Variants in DGKB observed in about 807,000 individuals in gnomAD.
The protein encoded by DGKB is diacylglycerol kinase beta, also known as 90 kDa diacylglycerol kinase.
Under a neutral mutation model 114.3 loss-of-function variants are expected in DGKB, and 67 were observed. The ratio of observed to expected loss-of-function variants is 0.59; its 90% confidence interval spans 0.48 to 0.72. The LOEUF is 0.72. DGKB is among the 30% of genes least tolerant of loss of function. The pLI, the probability that DGKB is intolerant of heterozygous loss-of-function variation, is 0.00. For synonymous variants in DGKB, 398 were observed against 323.1 expected (o/e 1.23, Z -2.49); for missense variants, 907 against 975.2 (o/e 0.93, Z 0.93).
chr7:14,835,135 T>C (rs571435698), intron 2 of DGKB, among the ~76,000 whole-genome samples: 1 of 152,122 alleles, frequency 6.6e-6, no homozygotes, highest in East Asian at 1.9e-4. Flanking sequence ...GAAGAAAGAG[T>C]CAGAAATGAG....
chr7:14,953,272 C>G (rs1348567868), intron 1 of DGKB, among the ~76,000 whole-genome samples: 1 of 151,990 alleles, frequency 6.6e-6, no homozygotes, highest in Non-Finnish European at 1.5e-5. Context: ...GAAGCACAAA[C>G]TACTGAATGG....
chr7:14,471,807 CCA>C (rs1781454440), intron 21 of DGKB, among the ~76,000 whole-genome samples: 5 of 151,774 alleles, frequency 3.3e-5, no homozygotes, highest in Non-Finnish European at 5.9e-5. Flanking sequence ...GATAAATATA[CCA>C]TGAAATAGTA....
In DGKB at chr7:14,474,582, C is replaced by T. The variant is rs144512282; in HGVS notation, c.1835+3579G>A. On this transcript the variant is annotated intron_variant, in intron 21 of 25. Coordinates refer to ENST00000402815, the MANE Select transcript of DGKB (RefSeq NM_001350709.2). The stretch of plus-strand genomic sequence containing the variant: ...TGCATGTTTTTCTAAAATCATTATA[C>T]GCCTTTATAATTGCCCTTTTTAATG... Among the ~76,000 whole-genome samples the T allele has an allele frequency of 2.8e-3, 420 of 152,122 alleles. 6 individuals are homozygous for T. The highest frequency in any genetic ancestry group is 9.3e-3 in the African/African-American group (386 of 41,518).
In DGKB at chr7:14,357,024, T is replaced by G. The variant is rs542727422; in HGVS notation, c.1836-11633A>C. On this transcript the variant is annotated intron_variant, in intron 21 of 25. Coordinates refer to ENST00000402815, the MANE Select transcript of DGKB (RefSeq NM_001350709.2). Reference sequence around the variant, plus strand: ...GAGTGCTTTACTTCCAACTATGTGGTCAATTTTGGAATAAGTGCAATATGG... The same window carrying G: ...GAGTGCTTTACTTCCAACTATGTGGGCAATTTTGGAATAAGTGCAATATGG... Among the ~76,000 whole-genome samples, 16 of 152,308 alleles carry G rather than the reference T, an allele frequency of 1.1e-4. No homozygotes were observed. The South Asian group carries it at 3.3e-3, about 32-fold the overall frequency.
intron 25 of DGKB, 22 bp downstream of exon 25, chr7:14,176,817 A>G (rs17167945): frequency 0.16 from 256,193 of 1,604,634 alleles, 25,059 homozygotes; most frequent in African/African-American, 0.45. Context: ...TTGACATAGC[A>G]TATCAACTAC....
chr7:14,362,074 CT>C (rs1238705372), intron 21 of DGKB, among the ~76,000 whole-genome samples: 1 of 151,944 alleles, frequency 6.6e-6, no homozygotes, highest in African/African-American at 2.4e-5. Context: ...TTTAGATACG[CT>C]TTCTATACTG....
intron 17 of DGKB, among the ~76,000 whole-genome samples, chr7:14,604,416 C>G (rs979320561): frequency 6.6e-6 from 1 of 151,536 alleles, no homozygotes; most frequent in African/African-American, 2.4e-5. Context: ...GAGTTGTATA[C>G]CAAAAGAATA....
chr7:14,701,711 G>A lies in DGKB; in HGVS notation c.486C>T (p.Asp162=). The A allele has an allele frequency of 6.2e-7, 1 of 1,611,630 alleles. No homozygotes were observed. Among genetic ancestry groups the A allele is most frequent in the Non-Finnish European group, 8.5e-7 (1 of 1,177,958 alleles). The change falls in exon 7 of 26, where the codon GAC becomes GAT. Residue 162 remains aspartate, a synonymous_variant. Transcript: ENST00000402815. ...DKLEFMFRLY[D]TDGNGFLDSS... The stretch of plus-strand genomic sequence containing the variant: ...TGTCCAGGAAGCCATTCCCATCCGT[G>A]TCATAAAGGCGAAACATAACTAGAA...
At chr7:14,466,944 A>G (rs756674273) in intron 21 of DGKB, among the ~76,000 whole-genome samples, 12 of 152,246 alleles carry the variant, frequency 7.9e-5, no homozygotes, top group Non-Finnish European at 1.5e-4. Flanking sequence ...CTAGGGAGTG[A>G]TGTGGAGCTG....
At chr7:14,964,842 T>C (rs537451885) in intron 1 of DGKB, among the ~76,000 whole-genome samples, 101 of 152,272 alleles carry the variant, frequency 6.6e-4, no homozygotes, top group African/African-American at 2.1e-3. Flanking sequence ...TTTATGGTAT[T>C]CAGGGTTATA....
chr7:14,580,344 G>A (rs1398714928), intron 19 of DGKB, among the ~76,000 whole-genome samples: 1 of 152,090 alleles, frequency 6.6e-6, no homozygotes, highest in Non-Finnish European at 1.5e-5. Context: ...GATTTTATGT[G>A]CCACTAGAAA....
At chr7:14,495,456 A>G (rs79892900) in intron 20 of DGKB, among the ~76,000 whole-genome samples, 1,760 of 151,958 alleles carry the variant, frequency 0.012, 35 homozygotes, top group East Asian at 0.091. Context: ...TTGAAAAAAG[A>G]AGTTTTCAGG....
At chr7:14,236,414 C>T (rs1792792625) in intron 23 of DGKB, among the ~76,000 whole-genome samples, 3 of 151,572 alleles carry the variant, frequency 2.0e-5, no homozygotes, top group African/African-American at 4.8e-5. Context: ...ACCAGAGACC[C>T]TTTCAATATT....
chr7:14,782,059 G>A (rs1317561633), intron 2 of DGKB, among the ~76,000 whole-genome samples: 1 of 152,012 alleles, frequency 6.6e-6, no homozygotes, highest in African/African-American at 2.4e-5. Context: ...GAATCTTGTT[G>A]TCTCTCCCAG....
intron 21 of DGKB, among the ~76,000 whole-genome samples, chr7:14,405,346 A>G (rs926707978): frequency 6.6e-6 from 1 of 152,074 alleles, no homozygotes; most frequent in African/African-American, 2.4e-5. Context: ...TAGCTTTTTA[A>G]TAAGTTACTT....
intron 1 of DGKB, among the ~76,000 whole-genome samples, chr7:14,935,909 C>T (rs752361976): frequency 1.3e-5 from 2 of 151,992 alleles, no homozygotes; most frequent in Non-Finnish European, 2.9e-5. Flanking sequence ...TTTCCAAAAA[C>T]TTCTCTGGTG....
intron 23 of DGKB, among the ~76,000 whole-genome samples, chr7:14,307,277 T>C (rs145956266): frequency 9.4e-4 from 137 of 146,308 alleles, no homozygotes; most frequent in African/African-American, 2.9e-3. Context: ...AACAAAAGAA[T>C]TTTAATAGTA....
intron 1 of DGKB, among the ~76,000 whole-genome samples, chr7:14,878,948 T>C (rs1350286874): frequency 2.0e-5 from 3 of 149,706 alleles, no homozygotes; most frequent in Non-Finnish European, 4.4e-5. Context: ...TCAAAAGTCA[T>C]CAATATCTAT....
intron 12 of DGKB, among the ~76,000 whole-genome samples, chr7:14,674,124 T>C (rs1359638331): frequency 6.6e-6 from 1 of 151,792 alleles, no homozygotes; most frequent in African/African-American, 2.4e-5. Flanking sequence ...ACTGCTGTCA[T>C]GCTAACTCCC....
Sources: allele counts gnomAD v4.1 joint callset (sites outside exome capture counted in the v4.1 genomes callset), GRCh38; gene constraint gnomAD v4.1.1; transcripts MANE v1.5; gene names NCBI Gene and HGNC (gene_info 2026-07-23, HGNC 2026-07-21).